TMEM176A: variants seen among roughly 807,000 people sequenced by gnomAD.
The protein encoded by TMEM176A is transmembrane protein 176A.
Under a neutral mutation model 27.9 loss-of-function variants are expected in TMEM176A, and 20 were observed. The ratio of observed to expected loss-of-function variants is 0.72; its 90% confidence interval spans 0.50 to 1.04. TMEM176A has a LOEUF of 1.04. Ranked by LOEUF, TMEM176A falls within the 50% of genes least tolerant of loss-of-function variation. The pLI is 0.00. For missense variants in TMEM176A, 252 were observed against 289.1 expected, an observed-to-expected ratio of 0.87 and a Z score of 0.93; for synonymous variants, 125 against 118.0, an observed-to-expected ratio of 1.06 and a Z score of -0.38.
chr7:150,804,709 C>T (rs1270510842), intron 6 of TMEM176A, 118 bp from the exon 7 acceptor site: 1 of 1,132,394 alleles, frequency 8.8e-7, no homozygotes, highest in South Asian at 1.3e-5. Context: ...CATGCTATGC[C>T]TTTGGATCAG....
In TMEM176A at chr7:150,804,877, C is replaced by A; in HGVS notation, c.*9C>A. On this transcript the variant is annotated 3_prime_UTR_variant, in exon 7 of 7. Coordinates refer to ENST00000004103, the MANE Select transcript of TMEM176A (RefSeq NM_018487.3). ...AAGTGAGTGGAATCTAGCCATGCCT[C>A]TCCTGATTATTAGTGCCTGGTGCTT... 6.2e-7 allele frequency: 1 copy of A among 1,614,150 alleles called. No individual in the cohort carries two copies. Among genetic ancestry groups the A allele is most frequent in the South Asian group, 1.1e-5 (1 of 91,086 alleles).
At position 150,801,600 on chromosome 7, in the gene TMEM176A, C is replaced by A. The variant is rs1377564516; in HGVS notation, c.50C>A (p.Thr17Asn). The part of the protein sequence containing the change: ...DEMAPEAPQH[T>N]HIDVHIHQES... ...ATGGCCCCGGAGGCCCCACAGCACACCCACATCGATGTGCACATCCACCAG... is the reference window on the plus strand; with the variant it reads ...ATGGCCCCGGAGGCCCCACAGCACAACCACATCGATGTGCACATCCACCAG... The change falls in exon 2 of 7, where the codon ACC becomes AAC. Residue 17 changes from threonine to asparagine, a missense_variant. Physicochemically the swap from Thr to Asn is moderately conservative, Grantham distance 65. Coordinates refer to ENST00000004103, the MANE Select transcript of TMEM176A (RefSeq NM_018487.3). 6.2e-7 allele frequency: 1 copy of A among 1,613,418 alleles called. No homozygotes were observed. Among genetic ancestry groups the A allele is most frequent in the Non-Finnish European group, 8.5e-7 (1 of 1,179,914 alleles).
In TMEM176A at chr7:150,804,913, C is replaced by A; in HGVS notation, c.*45C>A. On this transcript the variant is annotated 3_prime_UTR_variant, in exon 7 of 7. Coordinates refer to ENST00000004103, the MANE Select transcript of TMEM176A (RefSeq NM_018487.3). ...TAGTGCCTGGTGCTTCTGCACCGGG[C>A]GTCCCTGCATCTGACTGCTGGAAGA... is the stretch of plus-strand genomic sequence containing the variant. 2 of 1,600,976 alleles carry A rather than the reference C, an allele frequency of 1.2e-6. No homozygotes were observed. Among genetic ancestry groups the A allele is most frequent in the Non-Finnish European group, 1.7e-6 (2 of 1,168,030 alleles).
intron 1 of TMEM176A, chr7:150,801,064 G>A: frequency 1.1e-6 from 1 of 907,328 alleles, no homozygotes; most frequent in Non-Finnish European, 1.3e-6. Flanking sequence ...AGCAGTCGGT[G>A]GAGCGGGAGG....
intron 3 of TMEM176A, 38 bp downstream of exon 3, chr7:150,802,363 G>GCAATGCCCCACCCCTCTCACA: frequency 1.3e-6 from 2 of 1,575,888 alleles, no homozygotes; most frequent in Non-Finnish European, 1.7e-6. Context: ...GCCTGTGAGA[G>GCAATGCCCCACCCCTCTCACA]GGGTGGGGCA....
chr7:150,803,711 C>G lies in TMEM176A; in HGVS notation c.434C>G (p.Ser145Cys), dbSNP rs908448559. 2 of 1,614,096 alleles carry G rather than the reference C, an allele frequency of 1.2e-6. No homozygotes were observed. Among genetic ancestry groups the G allele is most frequent in the African/African-American group, 2.7e-5 (2 of 74,928 alleles). Residue 145 changes from serine to cysteine, a missense_variant, in exon 5 of 7, where the codon TCT becomes TGT. By Grantham distance (112) the Ser-to-Cys change is moderately radical. Transcript: ENST00000004103. ...AATGAAGATTTCCGATATGGCTACT[C>G]TTATTACAACAGTGCCTGCCGCATC... The part of the protein sequence containing the change: ...LWNEDFRYGY[S>C]YYNSACRISS...
intron 2 of TMEM176A, 124 bp from the exon 3 acceptor site, chr7:150,802,091 C>CTTCTT (rs2116734663): frequency 1.4e-6 from 1 of 699,680 alleles, no homozygotes; most frequent in Non-Finnish European, 2.5e-6. Flanking sequence ...CTTCTCTTCT[C>CTTCTT]TTCTCTTCTC....
chr7:150,802,978 G>C, intron 3 of TMEM176A: 1 of 990,660 alleles, frequency 1.0e-6, no homozygotes. Flanking sequence ...GCCCAGCTGA[G>C]TGGATTATTG....
rs1798867796 is a variant in TMEM176A, at chr7:150,803,792, G to T, written c.515G>T (p.Arg172Ile). 6.2e-7 allele frequency: 1 copy of T among 1,614,080 alleles called. No homozygotes were observed. Residue 172 changes from arginine (R) to isoleucine (I), a missense_variant, in exon 5 of 7, where the codon AGA (arginine) becomes ATA (isoleucine). By Grantham distance (97) the Arg-to-Ile change is moderately conservative (BLOSUM62 -3). Transcript: ENST00000004103. ...CCCACTCAGAGTCCAGAAGAAGTCA[G>T]AAGGCTACACCTATGTACCTCCTTC... ...PAPTQSPEEV[R>I]RLHLCTSFMD... is the part of the protein sequence containing the mutation.
At chr7:150,801,820 C>G in intron 2 of TMEM176A, 96 bp downstream of exon 2, 2 of 1,198,604 alleles carry the variant, frequency 1.7e-6, no homozygotes, top group Non-Finnish European at 1.1e-6. Context: ...AACAGGACAC[C>G]GAGCCAGTTA....
intron 2 of TMEM176A, 63 bp from the exon 3 acceptor site, chr7:150,802,152 C>T (rs558533388): frequency 7.6e-6 from 10 of 1,323,544 alleles, no homozygotes; most frequent in African/African-American, 5.8e-5. Flanking sequence ...GGGGTTTTAG[C>T]GGTTAATCCC....
At chr7:150,803,488 A>G (rs741065) in intron 4 of TMEM176A, 32 bp downstream of exon 4, 340,676 of 1,574,532 alleles carry the variant, frequency 0.22, 45,439 homozygotes, top group East Asian at 0.7. Flanking sequence ...GGAGGGGACC[A>G]GGTTCAGGCT....
chr7:150,801,079 C>G, intron 1 of TMEM176A: 2 of 815,506 alleles, frequency 2.5e-6, no homozygotes, highest in Non-Finnish European at 3.0e-6. Flanking sequence ...GGGAGGTCGG[C>G]GGTGGCGGGG....
chr7:150,802,194 C>G lies in TMEM176A; in HGVS notation c.175-21C>G, dbSNP rs913018239. 2.5e-6 allele frequency: 4 copies of G among 1,611,478 alleles called. No homozygotes were observed. The African/African-American group carries it at 5.3e-5, about 22-fold the overall frequency. ...GGCAGGTCCACCTAGGAGCCGGGAT[C>G]TTGGGTCCTTTGTCTTTCAGGTGAT... On this transcript the variant is annotated intron_variant, in intron 2 of 6. Transcript: ENST00000004103.
chr7:150,803,865 T>G (rs778921357), intron 5 of TMEM176A, 33 bp downstream of exon 5: 43 of 1,606,694 alleles, frequency 2.7e-5, no homozygotes, highest in Admixed American at 8.4e-5. Context: ...CAGCAGCAGG[T>G]GGGGCAGGGA....
chr7:150,801,361 A>AC (rs1554406931), intron 1 of TMEM176A, 175 bp from the exon 2 acceptor site: 77 of 574,902 alleles, frequency 1.3e-4, no homozygotes, highest in Non-Finnish European at 2.0e-4. Context: ...CATGGTCAGC[A>AC]CCCCCTCTGC....
rs1798886702 is a variant in TMEM176A, at chr7:150,804,741, T to C, written c.667-86T>C. ...TCAGGTACCATGCTGCTGATTCTGGTAGCTCCAGAGCTAAGCTGCCCCTGG... is the reference window on the plus strand; with the variant it reads ...TCAGGTACCATGCTGCTGATTCTGGCAGCTCCAGAGCTAAGCTGCCCCTGG... On this transcript the variant is annotated intron_variant, in intron 6 of 6. Transcript: ENST00000004103. 2.9e-6 allele frequency: 4 copies of C among 1,358,252 alleles called. No homozygotes were observed. In the East Asian group the frequency reaches 9.2e-5, roughly 31 times the overall value. 84.1% of individuals were successfully genotyped at this position (1,358,252 alleles called of 1,614,324 possible).
At chr7:150,802,621 T>C in intron 3 of TMEM176A, 1 of 908,674 alleles carries the variant, frequency 1.1e-6, no homozygotes, top group Non-Finnish European at 1.4e-6. Context: ...CATCTCCAGA[T>C]ACTTGCATTG....
Position 150,804,449 on chromosome 7 carries a change from T to C in TMEM176A, c.643T>C (p.Trp215Arg), listed in dbSNP as rs749591131. 1 of 1,613,976 alleles carries C rather than the reference T, an allele frequency of 6.2e-7. No homozygotes were observed. Among genetic ancestry groups the C allele is most frequent in the Non-Finnish European group, 8.5e-7 (1 of 1,179,962 alleles). The change falls in exon 6 of 7, where the codon TGG (tryptophan) becomes CGG (arginine). Residue 215 changes from tryptophan (W) to arginine (R), a missense_variant. Transcript: ENST00000004103. ...ASLTPLWLYCWRMFPTKGKRD... is the reference protein window; with the variant it reads ...ASLTPLWLYCRRMFPTKGKRD... ...TCTGACCCCTCTGTGGCTGTACTGC[T>C]GGAGAATGTTCCCAACCAAAGGGGT... is the stretch of plus-strand genomic sequence containing the variant.
Sources: gnomAD v4.1 joint callset for allele counts on GRCh38, gnomAD v4.1.1 for gene constraint, MANE v1.5 for transcripts, NCBI Gene and HGNC (gene_info 2026-07-23, HGNC 2026-07-21) for gene names.